Variants in DSTYK observed in about 807,000 individuals in gnomAD.
DSTYK encodes the protein dual serine/threonine and tyrosine protein kinase, also known as RIP-homologous kinase.
A neutral mutation model predicts 98.7 loss-of-function variants in DSTYK; 34 were observed. The ratio of observed to expected loss-of-function variants is 0.34; its 90% confidence interval spans 0.26 to 0.46. DSTYK has a LOEUF of 0.46. Ranked by LOEUF, DSTYK falls within the 20% of genes least tolerant of loss-of-function variation. The pLI, the probability that DSTYK is intolerant of heterozygous loss-of-function variation, is 1.00. For synonymous variants in DSTYK, 462 were observed against 457.3 expected, an observed-to-expected ratio of 1.01 and a Z score of -0.13; for missense variants, 962 against 1,181.7, an observed-to-expected ratio of 0.81 and a Z score of 2.73.
rs1032244935 is a variant in DSTYK, at chr1:205,211,644, C to T, written c.-109G>A. 1.2e-5 allele frequency: 16 copies of T among 1,363,644 alleles called. No individual in the cohort carries two copies. Among genetic ancestry groups the T allele is most frequent in the Admixed American group, 9.8e-5 (3 of 30,554 alleles). 84.5% of individuals were successfully genotyped at this position (1,363,644 alleles called of 1,614,324 possible). ...AGGAGGAATCCGCCTCCTGACGCCCCCGCCTGCAGTCAGCCTGGCTCCCAA... is the reference window on the plus strand; with the variant it reads ...AGGAGGAATCCGCCTCCTGACGCCCTCGCCTGCAGTCAGCCTGGCTCCCAA... On this transcript the variant is annotated 5_prime_UTR_variant, in exon 1 of 13. Coordinates refer to ENST00000367162, the MANE Select transcript of DSTYK (RefSeq NM_015375.3).
At chr1:205,209,893 CTATTATTAT>C (rs372431377) in intron 1 of DSTYK, among the ~76,000 whole-genome samples, 5 of 150,166 alleles carry the variant, frequency 3.3e-5, no homozygotes, top group South Asian at 4.2e-4. Flanking sequence ...TTTATTATTA[CTATTATTAT>C]TATTATTATT....
At chr1:205,161,987 A>G (rs1400308205) in intron 6 of DSTYK, 49 bp downstream of exon 6, 17 of 1,573,402 alleles carry the variant, frequency 1.1e-5, no homozygotes, top group Non-Finnish European at 1.5e-5. Context: ...CATCTGGATG[A>G]GGCTCTTCTC....
At chr1:205,163,444 C>T (rs1657793997) in intron 4 of DSTYK, among the ~76,000 whole-genome samples, 3 of 152,170 alleles carry the variant, frequency 2.0e-5, no homozygotes, top group African/African-American at 7.2e-5. Context: ...GTCTCCAACT[C>T]CCAACCTCAG....
chr1:205,193,696 C>A (rs1450715313), intron 1 of DSTYK, among the ~76,000 whole-genome samples: 1 of 152,072 alleles, frequency 6.6e-6, no homozygotes, highest in Non-Finnish European at 1.5e-5. Flanking sequence ...CATGGTAAAA[C>A]CCCACCTCTA....
At chr1:205,165,966 G>A (rs1334744047) in intron 3 of DSTYK, among the ~76,000 whole-genome samples, 9 of 151,910 alleles carry the variant, frequency 5.9e-5, no homozygotes, top group African/African-American at 2.2e-4. Flanking sequence ...AGGTTGTAGT[G>A]AGACTAGACC....
chr1:205,185,320 G>C (rs919734316), intron 2 of DSTYK, among the ~76,000 whole-genome samples: 1 of 152,140 alleles, frequency 6.6e-6, no homozygotes, highest in Non-Finnish European at 1.5e-5. Context: ...GTTACTAAAG[G>C]CAAGAATGGG....
At chr1:205,159,460 T>C in intron 9 of DSTYK, 87 bp downstream of exon 9, 1 of 1,411,462 alleles carries the variant, frequency 7.1e-7, no homozygotes, top group Non-Finnish European at 9.5e-7. Context: ...TGATGAAAGC[T>C]AAAAGCTCTT....
intron 4 of DSTYK, among the ~76,000 whole-genome samples, 158 bp from the exon 5 acceptor site, chr1:205,163,164 T>C (rs1657783117): frequency 6.6e-6 from 1 of 152,178 alleles, no homozygotes; most frequent in South Asian, 2.1e-4. Flanking sequence ...ATTATTTATT[T>C]TGTGACTATC....
At chr1:205,157,532 A>G in intron 9 of DSTYK, 146 bp from the exon 10 acceptor site, 2 of 565,274 alleles carry the variant, frequency 3.5e-6, no homozygotes, top group South Asian at 2.5e-5. Context: ...CCCAGCACTT[A>G]GGGAGGCCAA....
intron 2 of DSTYK, among the ~76,000 whole-genome samples, chr1:205,179,922 G>C (rs2102434488): frequency 6.6e-6 from 1 of 152,248 alleles, no homozygotes; most frequent in Non-Finnish European, 1.5e-5. Context: ...ATGTGAGATA[G>C]TAAAAACAGA....
chr1:205,207,123 G>A (rs534047762), intron 1 of DSTYK, among the ~76,000 whole-genome samples: 20 of 147,574 alleles, frequency 1.4e-4, no homozygotes, highest in African/African-American at 5.0e-4. Flanking sequence ...GCGACACCCA[G>A]GCTGGAGTGC....
At chr1:205,161,174 C>A in intron 7 of DSTYK, 84 bp downstream of exon 7, 7 of 1,541,868 alleles carry the variant, frequency 4.5e-6, no homozygotes, top group Non-Finnish European at 6.2e-6. Flanking sequence ...CAGCTTTAGA[C>A]ACTAGGATTC....
rs1365447294 is a variant in DSTYK, at chr1:205,142,778, CTTAG to C, written c.*4776_*4779del. On this transcript the variant is annotated 3_prime_UTR_variant, in exon 13 of 13. Transcript: ENST00000367162. ...TGTTATTGCACTTTTATTCTACACA[CTTAG>C]TATCTTACACTTTTATTTAACACTG... is the stretch of plus-strand genomic sequence containing the variant. The C allele has an allele frequency of 6.6e-6, 1 of 152,230 alleles. No homozygotes were observed. Among genetic ancestry groups the C allele is most frequent in the African/African-American group, 2.4e-5 (1 of 41,460 alleles). The allele number at this position is 152,230 out of a possible 1,614,324, so 9.4% of individuals were successfully genotyped here.
chr1:205,172,569 C>T (rs188878863), intron 2 of DSTYK, among the ~76,000 whole-genome samples: 1 of 151,522 alleles, frequency 6.6e-6, no homozygotes, highest in East Asian at 1.9e-4. Context: ...TGCGCCTCAG[C>T]CTCCCAAAGT....
chr1:205,162,176 T>C lies in DSTYK; in HGVS notation c.1678A>G (p.Ile560Val), dbSNP rs767835099. 8.1e-6 allele frequency: 13 copies of C among 1,614,074 alleles called. No individual in the cohort carries two copies. The highest frequency in any genetic ancestry group is 1.1e-5 in the Non-Finnish European group (13 of 1,180,020). Residue 560 changes from isoleucine (I) to valine (V), a missense_variant, in exon 6 of 13, where the codon ATC becomes GTC. Physicochemically the swap from Ile to Val is conservative, Grantham distance 29 (BLOSUM62 3). This residue lies in a region of DSTYK where 660 missense variants were observed against 855.0 expected (regional missense o/e 0.77). Transcript: ENST00000367162. ...QRITWVSPPA[I>V]TLEWKRKVAQ... ...ACCTTCCTCTTCCATTCCAGAGTGA[T>C]GGCAGGTGGGCTCACCCATGTGATG... is the stretch of plus-strand genomic sequence containing the variant.
In DSTYK at chr1:205,187,752, A is replaced by T; in HGVS notation, c.320T>A (p.Ile107Asn). Reference protein sequence around the residue: ...PPKEEKYLQQIVDCLPCILIL... With the variant: ...PPKEEKYLQQNVDCLPCILIL... ...CAGTATGCAAGGGAGGCAGTCCACAATCTGCTGGAGGTACTTCTCTTCCTT... is the reference window on the plus strand; with the variant it reads ...CAGTATGCAAGGGAGGCAGTCCACATTCTGCTGGAGGTACTTCTCTTCCTT... The change falls in exon 2 of 13, where the codon ATT (isoleucine) becomes AAT (asparagine). Residue 107 changes from isoleucine to asparagine, a missense_variant. Around this residue, in one of 4 missense-constraint regions of DSTYK, gnomAD observed 660 missense variants for 855.0 expected, o/e 0.77. Transcript: ENST00000367162. The T allele has an allele frequency of 6.2e-7, 1 of 1,614,136 alleles. No homozygotes were observed. Among genetic ancestry groups the T allele is most frequent in the African/African-American group, 1.3e-5 (1 of 75,048 alleles).
chr1:205,190,696 G>C (rs891093386), intron 1 of DSTYK, among the ~76,000 whole-genome samples: 2 of 150,234 alleles, frequency 1.3e-5, no homozygotes, highest in Non-Finnish European at 2.9e-5. Flanking sequence ...GTCTCAGCTC[G>C]AGCAGTGAGA....
At chr1:205,147,958 C>T (rs985307766) in intron 12 of DSTYK, among the ~76,000 whole-genome samples, 1 of 151,546 alleles carries the variant, frequency 6.6e-6, no homozygotes, top group Non-Finnish European at 1.5e-5. Flanking sequence ...AAAACTGGAA[C>T]ACATTAGCAT....
chr1:205,176,476 TAAAAAAAAAAAAAAAA>T (rs61291677), intron 2 of DSTYK, among the ~76,000 whole-genome samples: 1,058 of 43,328 alleles, frequency 0.024, 43 homozygotes, highest in African/African-American at 0.07. Context: ...AACTCCCTCT[TAAAAAAAAAAAAAAAA>T]AAAAAAAAAA....
Sources: allele counts gnomAD v4.1 joint callset (sites outside exome capture counted in the v4.1 genomes callset), GRCh38; gene constraint gnomAD v4.1.1; regional missense constraint gnomAD v4.1.1; transcripts MANE v1.5; gene names NCBI Gene and HGNC (gene_info 2026-07-23, HGNC 2026-07-21).